Variants in ATAD2B observed in about 807,000 individuals in gnomAD.
ATAD2B encodes ATPase family AAA domain containing 2B, also known as ATPase family AAA domain-containing protein 2B.
A neutral mutation model predicts 167.6 loss-of-function variants in ATAD2B; 40 were observed. That is an observed-to-expected ratio of 0.24 (90% CI 0.19 to 0.31). The LOEUF (loss-of-function observed/expected upper bound fraction) is 0.31, where lower values mean the gene tolerates loss of function less well. Ranked by LOEUF, ATAD2B falls within the 10% of genes least tolerant of loss-of-function variation. The pLI is 1.00. For synonymous variants in ATAD2B, 579 were observed against 596.5 expected (o/e 0.97, Z 0.43); for missense variants, 1,242 against 1,757.2 (o/e 0.71, Z 5.24).
At chr2:23,798,588 G>T (rs1682968889) in intron 18 of ATAD2B, among the ~76,000 whole-genome samples, 1 of 150,196 alleles carries the variant, frequency 6.7e-6, no homozygotes, top group South Asian at 2.1e-4. Context: ...TATATTAACA[G>T]TGGAAGGTAT....
rs1354712016 is a variant in ATAD2B, at chr2:23,751,204, G to A, written c.*842C>T. On this transcript the variant is annotated 3_prime_UTR_variant, in exon 28 of 28. Transcript: ENST00000238789. ...TTTTGTTTTTTGTTTTTTTGTGTGT[G>A]GACTGTGTATTATTCTTTGTTGTTA... The A allele has an allele frequency of 6.6e-6, 1 of 151,890 alleles. No individual in the cohort carries two copies. Among genetic ancestry groups the A allele is most frequent in the Non-Finnish European group, 1.5e-5 (1 of 67,960 alleles). 9.4% of individuals were successfully genotyped at this position (151,890 alleles called of 1,614,324 possible). A position where few individuals can be genotyped will look rare whatever the true frequency, so the allele number is the denominator to read the frequency against.
At chr2:23,849,863 C>A (rs940113726) in intron 13 of ATAD2B, among the ~76,000 whole-genome samples, 1 of 152,100 alleles carries the variant, frequency 6.6e-6, no homozygotes, top group Non-Finnish European at 1.5e-5. Flanking sequence ...CTGCTTAACA[C>A]TATTAATGCC....
At chr2:23,858,211 C>G (rs893728687) in intron 12 of ATAD2B, among the ~76,000 whole-genome samples, 3 of 151,956 alleles carry the variant, frequency 2.0e-5, no homozygotes, top group African/African-American at 7.3e-5. Context: ...ACCTCCGCCT[C>G]CCGGGTTCAA....
the ATAD2B span, among the ~76,000 whole-genome samples, chr2:23,681,833 G>A: frequency 0.033 from 5,072 of 152,252 alleles, 102 homozygotes; most frequent in South Asian, 0.087. This position sits in a 1 kb window ranked among gnomAD's most constrained non-coding sequence, Gnocchi z 4.2. Flanking sequence ...GCATTAATTC[G>A]GCTGGTGACT....
At chr2:23,855,192 CAAA>C (rs869284711) in intron 13 of ATAD2B, among the ~76,000 whole-genome samples, 5 of 95,218 alleles carry the variant, frequency 5.3e-5, no homozygotes, top group Non-Finnish European at 8.8e-5. Flanking sequence ...GACTCTGTCT[CAAA>C]AAAAAAAAAA....
chr2:23,819,961 G>T, intron 16 of ATAD2B, 79 bp from the exon 17 acceptor site: 1 of 1,048,914 alleles, frequency 9.5e-7, no homozygotes, highest in South Asian at 1.8e-5. Flanking sequence ...AAGAAAAATT[G>T]GGTTAAAAAA....
At chr2:23,887,172 G>C (rs1225118247) in intron 4 of ATAD2B, among the ~76,000 whole-genome samples, 1 of 151,906 alleles carries the variant, frequency 6.6e-6, no homozygotes, top group African/African-American at 2.4e-5. Flanking sequence ...GCTGAGGCAG[G>C]AGAATCATTT....
the ATAD2B span, among the ~76,000 whole-genome samples, chr2:23,736,505 C>G: frequency 6.6e-6 from 1 of 152,206 alleles, no homozygotes; most frequent in African/African-American, 2.4e-5. Context: ...TGAATACCCT[C>G]ACAGAGATGA....
intron 22 of ATAD2B, among the ~76,000 whole-genome samples, chr2:23,780,677 A>T (rs954047334): frequency 5.3e-5 from 8 of 152,158 alleles, no homozygotes; most frequent in African/African-American, 1.9e-4. Context: ...AGAGGGGCAG[A>T]TCACCTGGGG....
intron 18 of ATAD2B, among the ~76,000 whole-genome samples, chr2:23,808,119 AATT>A (rs1210494449): frequency 3.4e-5 from 4 of 118,090 alleles, no homozygotes; most frequent in African/African-American, 6.8e-5. Context: ...TTATATATAT[AATT>A]ATTATATATA....
At chr2:23,737,868 C>T in the ATAD2B span, among the ~76,000 whole-genome samples, 8 of 152,264 alleles carry the variant, frequency 5.3e-5, no homozygotes, top group South Asian at 1.7e-3. Context: ...CCTGATGGAG[C>T]TGAAAACCAA....
chr2:23,785,096 A>T (rs899138661), intron 21 of ATAD2B, among the ~76,000 whole-genome samples: 2 of 152,130 alleles, frequency 1.3e-5, no homozygotes, highest in Admixed American at 1.3e-4. Context: ...TTCTTTTCAG[A>T]CTTGCCAGGG....
At position 23,788,561 on chromosome 2, in the gene ATAD2B, T is replaced by C. The variant is rs770779108; in HGVS notation, c.2727A>G (p.Glu909=). The change falls in exon 20 of 28, where the codon GAA becomes GAG. Residue 909 remains glutamate (E), a synonymous_variant. Transcript: ENST00000238789. The part of the protein sequence containing the change: ...IEEDRRKFFQ[E]LILNQASMAP... Reference sequence around the variant, plus strand: ...CCATTGATGCCTGATTGAGAATCAATTCTTGAAAAAATTTTCTTCTGTCTT... The same window carrying C: ...CCATTGATGCCTGATTGAGAATCAACTCTTGAAAAAATTTTCTTCTGTCTT... 44 of 1,613,198 alleles carry C rather than the reference T, an allele frequency of 2.7e-5. No individual in the cohort carries two copies. Among genetic ancestry groups the C allele is most frequent in the African/African-American group, 4.0e-5 (3 of 74,898 alleles).
chr2:23,771,273 T>C (rs1231659580), intron 22 of ATAD2B, among the ~76,000 whole-genome samples: 1 of 152,208 alleles, frequency 6.6e-6, no homozygotes, highest in African/African-American at 2.4e-5. Flanking sequence ...TTTCTGGAAG[T>C]AGGGATGCCT....
Position 23,926,843 on chromosome 2 carries a change from T to C in ATAD2B, c.-73A>G. On this transcript the variant is annotated 5_prime_UTR_variant, in exon 1 of 28. Coordinates refer to ENST00000238789, the MANE Select transcript of ATAD2B (RefSeq NM_017552.4). ...CAAGGCCGGCCCGCCGGCCGGTCAG[T>C]CAGGGCCAGCGGAGCCGAGCCGGGC... 17 of 1,441,282 alleles carry C rather than the reference T, an allele frequency of 1.2e-5. No homozygotes were observed. The highest frequency in any genetic ancestry group is 1.5e-5 in the Non-Finnish European group (16 of 1,097,262). 89.3% of individuals were successfully genotyped at this position (1,441,282 alleles called of 1,614,324 possible). A position where few individuals can be genotyped will look rare whatever the true frequency, so the allele number is the denominator to read the frequency against.
intron 2 of ATAD2B, among the ~76,000 whole-genome samples, chr2:23,888,885 T>C (rs1699067630): frequency 1.3e-5 from 2 of 152,188 alleles, no homozygotes; most frequent in African/African-American, 4.8e-5. Context: ...ACAGCTGATT[T>C]ATCGAAAGAG....
the ATAD2B span, among the ~76,000 whole-genome samples, chr2:23,729,065 G>T: frequency 6.6e-6 from 1 of 152,112 alleles, no homozygotes; most frequent in Admixed American, 6.6e-5. Context: ...ACCAAATATT[G>T]TGAGAACTCA....
rs1386257515 is a variant in ATAD2B, at chr2:23,878,960, A to T, written c.901+1679T>A. Among the ~76,000 whole-genome samples, 4 of 152,358 alleles carry T rather than the reference A, an allele frequency of 2.6e-5. No individual in the cohort carries two copies. The East Asian group carries it at 7.7e-4, about 29-fold the overall frequency. On this transcript the variant is annotated intron_variant, in intron 7 of 27. Coordinates refer to ENST00000238789, the MANE Select transcript of ATAD2B (RefSeq NM_017552.4). ...CAACACCATTAGGGAAATGTAAACT[A>T]AAACTATAATAAATACCTGTTAAAA...
chr2:23,834,918 C>CA (rs1461749280), intron 13 of ATAD2B, among the ~76,000 whole-genome samples: 2 of 151,906 alleles, frequency 1.3e-5, no homozygotes, highest in African/African-American at 2.4e-5. Context: ...AAAAATTAGG[C>CA]AAAAAATTTG....
Sources: allele counts gnomAD v4.1 joint callset (sites outside exome capture counted in the v4.1 genomes callset), GRCh38; gene constraint gnomAD v4.1.1; non-coding constraint Gnocchi (gnomAD v3.1); transcripts MANE v1.5; gene names NCBI Gene and HGNC (gene_info 2026-07-23, HGNC 2026-07-21).